BABAM2: variants seen among roughly 807,000 people sequenced by gnomAD.
BABAM2 encodes the protein BRISC and BRCA1-A complex member 2.
Under a neutral mutation model 54.7 loss-of-function variants are expected in BABAM2, and 31 were observed. The observed-to-expected ratio is 0.57, with a 90% CI of 0.43 to 0.77. The LOEUF is 0.77. Ranked by LOEUF, BABAM2 falls within the 30% of genes least tolerant of loss-of-function variation. The pLI is 0.00. For synonymous variants in BABAM2, 167 were observed against 162.9 expected (o/e 1.03, Z -0.19); for missense variants, 364 against 455.8 (o/e 0.80, Z 1.83).
intron 6 of BABAM2, among the ~76,000 whole-genome samples, chr2:28,121,353 C>G (rs1669050655): frequency 6.6e-6 from 1 of 152,194 alleles, no homozygotes; most frequent in South Asian, 2.1e-4. Context: ...ACTGAAATGA[C>G]CAGTGTCATT....
At chr2:28,054,638 T>C (rs1044984785) in intron 6 of BABAM2, among the ~76,000 whole-genome samples, 1 of 152,236 alleles carries the variant, frequency 6.6e-6, no homozygotes, top group African/African-American at 2.4e-5. Flanking sequence ...GAAGGCACCA[T>C]CTGTGAACTA....
rs548342539 is a variant in BABAM2, at chr2:27,932,448, A to G, written c.205+2540A>G. Among the ~76,000 whole-genome samples the G allele has an allele frequency of 2.0e-5, 3 of 152,032 alleles. No individual in the cohort carries two copies. The East Asian group carries it at 5.8e-4, about 29-fold the overall frequency. On this transcript the variant is annotated intron_variant, in intron 3 of 11. Transcript: ENST00000379624. ...TCATATTTTTTCCCTCTTTTATGCT[A>G]TAGTTTTTCTTCAAATAAAAGGTAT...
intron 11 of BABAM2, among the ~76,000 whole-genome samples, chr2:28,324,096 G>A (rs1690249792): frequency 6.6e-6 from 1 of 152,188 alleles, no homozygotes; most frequent in East Asian, 1.9e-4. Context: ...GGCCATCTAG[G>A]GGGTTTTGTA....
chr2:28,112,117 C>CTTTCTT (rs1668093260), intron 6 of BABAM2, among the ~76,000 whole-genome samples: 1 of 11,954 alleles, frequency 8.4e-5, no homozygotes, highest in African/African-American at 3.8e-4. Context: ...TTCTTTCTTT[C>CTTTCTT]TTTCTTTCTT....
chr2:28,052,649 A>T (rs1222621986), intron 6 of BABAM2, among the ~76,000 whole-genome samples: 1 of 152,158 alleles, frequency 6.6e-6, no homozygotes, highest in Non-Finnish European at 1.5e-5. Context: ...AAATATGATC[A>T]TTATATCAAT....
rs551975347 is a variant in BABAM2 at position 28,223,574 on chromosome 2, G to A, written c.681-13628G>A. Among the ~76,000 whole-genome samples, 3 of 152,326 alleles carry A rather than the reference G, an allele frequency of 2.0e-5. No homozygotes were observed. In the South Asian group the frequency reaches 6.2e-4, roughly 32 times the overall value. On this transcript the variant is annotated intron_variant, in intron 7 of 11. Transcript: ENST00000379624. ...ACTCTCTGCTTATTGGGCAGCTGTG[G>A]TGGGAGTGAGAGTAGAGGTCTCCAG...
intron 6 of BABAM2, among the ~76,000 whole-genome samples, chr2:28,105,074 G>A (rs955490289): frequency 3.0e-4 from 46 of 151,944 alleles, no homozygotes; most frequent in Non-Finnish European, 1.2e-4. Flanking sequence ...AGCATTAGGG[G>A]ATATACCTAA....
Position 28,329,651 on chromosome 2 carries a change from A to G in BABAM2, c.1089-8799A>G, listed in dbSNP as rs1407385960. Among the ~76,000 whole-genome samples the G allele has an allele frequency of 6.6e-6, 1 of 152,236 alleles. No homozygotes were observed. Among genetic ancestry groups the G allele is most frequent in the Non-Finnish European group, 1.5e-5 (1 of 68,040 alleles). ...AACCAGAAAGAAGTTGAATCCCTGAATAGACCAATAACAAGTTCTGAAATT... is the reference window on the plus strand; with the variant it reads ...AACCAGAAAGAAGTTGAATCCCTGAGTAGACCAATAACAAGTTCTGAAATT... On this transcript the variant is annotated intron_variant, in intron 11 of 11. Coordinates refer to ENST00000379624, the MANE Select transcript of BABAM2 (RefSeq NM_199191.3). The surrounding 1 kb of genome is among the most constrained non-coding windows in gnomAD (Gnocchi z 4.2).
chr2:28,017,133 T>G (rs1478025768), intron 4 of BABAM2, among the ~76,000 whole-genome samples: 1 of 152,236 alleles, frequency 6.6e-6, no homozygotes. Context: ...AAAATATGTT[T>G]AAAATGATTT....
At chr2:28,019,855 G>A (rs1409359377) in intron 4 of BABAM2, among the ~76,000 whole-genome samples, 1 of 152,172 alleles carries the variant, frequency 6.6e-6, no homozygotes, top group African/African-American at 2.4e-5. Flanking sequence ...TAGCCTATGT[G>A]CCTATTTTTA....
intron 10 of BABAM2, among the ~76,000 whole-genome samples, chr2:28,284,523 C>A (rs969278925): frequency 6.6e-6 from 1 of 152,038 alleles, no homozygotes; most frequent in African/African-American, 2.4e-5. Flanking sequence ...ACTGTCTGAC[C>A]GAGGTTTCAT....
At chr2:28,209,493 T>C (rs1364340657) in intron 7 of BABAM2, among the ~76,000 whole-genome samples, 1 of 152,230 alleles carries the variant, frequency 6.6e-6, no homozygotes, top group East Asian at 1.9e-4. Flanking sequence ...GGAACAGTAA[T>C]AATTTTTATA....
At chr2:28,206,270 G>A (rs1678829745) in intron 7 of BABAM2, among the ~76,000 whole-genome samples, 1 of 152,052 alleles carries the variant, frequency 6.6e-6, no homozygotes, top group Admixed American at 6.6e-5. Flanking sequence ...AGGAAATAAA[G>A]CTCAAAGATA....
intron 7 of BABAM2, among the ~76,000 whole-genome samples, chr2:28,185,213 G>A (rs1293856164): frequency 1.3e-5 from 2 of 152,064 alleles, no homozygotes; most frequent in African/African-American, 4.8e-5. Context: ...TCTTATCTGA[G>A]CATATTTATA....
intron 11 of BABAM2, among the ~76,000 whole-genome samples, chr2:28,298,982 A>T (rs898010748): frequency 1.1e-4 from 16 of 152,332 alleles, no homozygotes; most frequent in Middle Eastern, 3.4e-3. Context: ...TTTTTTAAAA[A>T]ATGGAAAATT....
At chr2:28,255,912 C>T (rs1683933412) in intron 10 of BABAM2, among the ~76,000 whole-genome samples, 1 of 152,150 alleles carries the variant, frequency 6.6e-6, no homozygotes, top group African/African-American at 2.4e-5. Context: ...GTGATCCGCC[C>T]ACCATAGCCT....
chr2:28,211,404 T>TTTTTTTTTG (rs3032203), intron 7 of BABAM2, among the ~76,000 whole-genome samples: 1 of 147,252 alleles, frequency 6.8e-6, no homozygotes, highest in Non-Finnish European at 1.5e-5. Context: ...TTTTTTTTTT[T>TTTTTTTTTG]GAGAAAGAGT....
At chr2:27,984,631 T>A (rs1456503615) in intron 3 of BABAM2, among the ~76,000 whole-genome samples, 1 of 152,070 alleles carries the variant, frequency 6.6e-6, no homozygotes, top group Non-Finnish European at 1.5e-5. Flanking sequence ...CTTCTTTTTT[T>A]AAATAAAAAT....
chr2:28,258,779 AT>A (rs886452951), intron 10 of BABAM2, among the ~76,000 whole-genome samples: 5 of 146,098 alleles, frequency 3.4e-5, no homozygotes, highest in African/African-American at 7.6e-5. Flanking sequence ...TGCCTGGCTA[AT>A]TTTTTTTTCT....
Sources: allele counts gnomAD v4.1 joint callset (sites outside exome capture counted in the v4.1 genomes callset), GRCh38; gene constraint gnomAD v4.1.1; non-coding constraint Gnocchi (gnomAD v3.1); transcripts MANE v1.5; gene names NCBI Gene and HGNC (gene_info 2026-07-23, HGNC 2026-07-21).